KIRREL1: variants seen among roughly 807,000 people sequenced by gnomAD.
KIRREL1 encodes kirre like nephrin family adhesion molecule 1.
Under a neutral mutation model 83.3 loss-of-function variants are expected in KIRREL1, and 25 were observed. The observed-to-expected ratio is 0.30, with a 90% CI of 0.22 to 0.42. KIRREL1 has a LOEUF of 0.42. KIRREL1 is among the 10% of genes least tolerant of loss of function. The pLI, the probability that KIRREL1 is intolerant of heterozygous loss-of-function variation, is 1.00. For missense variants in KIRREL1, 812 were observed against 1,032.3 expected, an observed-to-expected ratio of 0.79 and a Z score of 2.92; for synonymous variants, 388 against 410.4, an observed-to-expected ratio of 0.95 and a Z score of 0.66.
chr1:158,000,001 A>G (rs915118651), intron 1 of KIRREL1, among the ~76,000 whole-genome samples: 1 of 151,434 alleles, frequency 6.6e-6, no homozygotes, highest in East Asian at 2.0e-4. Flanking sequence ...AGTTAAGCAG[A>G]TTGTCCAAGA....
chr1:158,019,290 A>G (rs1278293734), intron 1 of KIRREL1, among the ~76,000 whole-genome samples: 2 of 152,152 alleles, frequency 1.3e-5, no homozygotes, highest in Admixed American at 6.6e-5. Flanking sequence ...TGTTAGAGGA[A>G]GGGAAGGTGG....
intron 5 of KIRREL1, 66 bp downstream of exon 5, chr1:158,086,812 A>T (rs1662031041): frequency 7.0e-7 from 1 of 1,429,628 alleles, no homozygotes; most frequent in Non-Finnish European, 9.6e-7. Flanking sequence ...TGAGAAGCAC[A>T]CTCTTAGTTT....
rs1570991909 is a variant in KIRREL1 at position 158,084,577 on chromosome 1, A to G, written c.508A>G (p.Thr170Ala). 6 of 1,551,542 alleles carry G rather than the reference A, an allele frequency of 3.9e-6. No homozygotes were observed. The highest frequency in any genetic ancestry group is 5.2e-6 in the Non-Finnish European group (6 of 1,146,934). Residue 170 changes from threonine (T) to alanine (A), a missense_variant and splice_region_variant, in exon 4 of 15, where the codon ACG becomes GCG. Thr to Ala is a moderately conservative substitution (Grantham distance 58, BLOSUM62 0). Coordinates refer to ENST00000359209, the MANE Select transcript of KIRREL1 (RefSeq NM_018240.7). The stretch of plus-strand genomic sequence containing the variant: ...GCAGCAGGAGGGCGCTGTGGCCAGC[A>G]CGGTGAGCTCCAGCCAGCTCCCCCA... ...GTQQEGAVAS[T>A]ELLKDGKRET...
intron 3 of KIRREL1, among the ~76,000 whole-genome samples, chr1:158,081,793 C>G (rs1003830750): frequency 6.6e-6 from 1 of 152,130 alleles, no homozygotes; most frequent in Non-Finnish European, 1.5e-5. Context: ...AGGTAGACTG[C>G]TGGCAGAGGT....
Position 157,996,042 on chromosome 1 carries a change from G to A in KIRREL1, c.52+2314G>A, listed in dbSNP as rs868551026. On this transcript the variant is annotated intron_variant, in intron 1 of 14. Coordinates refer to ENST00000359209, the MANE Select transcript of KIRREL1 (RefSeq NM_018240.7). Reference sequence around the variant, plus strand: ...CTGGGGCAGTGAGAGAGGAAACGGAGGGGGGCGCTACAAAAGGGAGGAGGA... The same window carrying A: ...CTGGGGCAGTGAGAGAGGAAACGGAAGGGGGCGCTACAAAAGGGAGGAGGA... 2.2e-4 allele frequency among the ~76,000 whole-genome samples: 33 copies of A among 150,804 alleles called. No homozygotes were observed. The Middle Eastern group carries it at 0.017, about 78-fold the overall frequency.
chr1:158,088,791 G>A (rs12739259), intron 8 of KIRREL1, among the ~76,000 whole-genome samples: 4 of 152,226 alleles, frequency 2.6e-5, no homozygotes, highest in East Asian at 3.9e-4. Flanking sequence ...GCCTTACTGC[G>A]TGTTCTGAAT....
intron 1 of KIRREL1, among the ~76,000 whole-genome samples, chr1:158,057,744 T>C (rs1379477630): frequency 1.3e-5 from 2 of 152,228 alleles, no homozygotes; most frequent in East Asian, 3.9e-4. Context: ...CTGAAAAGTA[T>C]ATGGAAATTC....
intron 1 of KIRREL1, among the ~76,000 whole-genome samples, chr1:158,043,019 C>T (rs1387589139): frequency 1.3e-5 from 2 of 148,988 alleles, no homozygotes; most frequent in Non-Finnish European, 3.0e-5. Context: ...ACCTGGGAGA[C>T]GGAGCTTGCA....
intron 1 of KIRREL1, among the ~76,000 whole-genome samples, chr1:158,046,037 G>A (rs908631243): frequency 3.3e-5 from 5 of 152,216 alleles, no homozygotes; most frequent in African/African-American, 9.7e-5. Flanking sequence ...TTTGAGCACA[G>A]GAGTGACATG....
chr1:158,028,308 G>C (rs996419414), intron 1 of KIRREL1, among the ~76,000 whole-genome samples: 1 of 152,196 alleles, frequency 6.6e-6, no homozygotes, highest in Non-Finnish European at 1.5e-5. Context: ...GCACTAGTTG[G>C]TCTGCCCTTG....
intron 1 of KIRREL1, among the ~76,000 whole-genome samples, chr1:158,058,437 G>C (rs1661125760): frequency 6.6e-6 from 1 of 152,156 alleles, no homozygotes; most frequent in Non-Finnish European, 1.5e-5. Context: ...AGGCTTCCAA[G>C]GCCCATGGCT....
chr1:158,010,306 G>A (rs1659634204), intron 1 of KIRREL1, among the ~76,000 whole-genome samples: 1 of 149,714 alleles, frequency 6.7e-6, no homozygotes, highest in Non-Finnish European at 1.5e-5. Flanking sequence ...GGGGTAAGGA[G>A]AGCAGGAGTC....
intron 3 of KIRREL1, 65 bp downstream of exon 3, chr1:158,078,205 C>A: frequency 6.6e-7 from 1 of 1,522,316 alleles, no homozygotes; most frequent in South Asian, 1.2e-5. Flanking sequence ...CAGTCTCTCC[C>A]ACTCTCCAGT....
At chr1:158,043,200 A>G (rs1430698429) in intron 1 of KIRREL1, among the ~76,000 whole-genome samples, 3 of 144,744 alleles carry the variant, frequency 2.1e-5, no homozygotes, top group Admixed American at 2.1e-4. Context: ...TGCAGAGTGG[A>G]CTGTGAGATC....
In KIRREL1 at chr1:158,093,410, G is replaced by T. The variant is rs200523607; in HGVS notation, c.1543G>T (p.Ala515Ser). The T allele has an allele frequency of 6.2e-7, 1 of 1,614,066 alleles. No homozygotes were observed. Among genetic ancestry groups the T allele is most frequent in the Non-Finnish European group, 8.5e-7 (1 of 1,180,044 alleles). ...ASILLIFFFI[A>S]LVFFLYRRRK... ...CATCCTGCTCATCTTCTTCTTCATC[G>T]CCTTGGTATTCTTCCTCTACCGGCG... Residue 515 changes from alanine to serine, a missense_variant, in exon 12 of 15, where the codon GCC becomes TCC. Transcript: ENST00000359209.
chr1:158,006,236 C>T (rs1279753567), intron 1 of KIRREL1, among the ~76,000 whole-genome samples: 1 of 152,128 alleles, frequency 6.6e-6, no homozygotes, highest in African/African-American at 2.4e-5. Flanking sequence ...AATGTTTGTC[C>T]TTTTTCTGAA....
chr1:158,072,420 CAGTCCAGA>C (rs1661541203), intron 1 of KIRREL1, among the ~76,000 whole-genome samples: 1 of 152,212 alleles, frequency 6.6e-6, no homozygotes, highest in African/African-American at 2.4e-5. Flanking sequence ...ATAAGTGGCA[CAGTCCAGA>C]CTCCTGGAGT....
At chr1:158,087,716 G>T (rs1423273599) in intron 5 of KIRREL1, 39 bp from the exon 6 acceptor site, 1 of 1,476,678 alleles carries the variant, frequency 6.8e-7, no homozygotes, top group South Asian at 1.2e-5. Flanking sequence ...AAACTCAAGG[G>T]ACAGAAAAGA....
intron 8 of KIRREL1, 59 bp downstream of exon 8, chr1:158,088,513 C>A (rs1414297465): frequency 2.3e-5 from 31 of 1,372,868 alleles, no homozygotes; most frequent in Admixed American, 1.3e-4. Flanking sequence ...GAGACGGAGT[C>A]TCGCTCTGTC....
Sources: allele counts gnomAD v4.1 joint callset (sites outside exome capture counted in the v4.1 genomes callset), GRCh38; gene constraint gnomAD v4.1.1; transcripts MANE v1.5; gene names NCBI Gene and HGNC (gene_info 2026-07-23, HGNC 2026-07-21).